CD274: variants seen among roughly 807,000 people sequenced by gnomAD.
The protein encoded by CD274 is CD274 molecule.
Under a neutral mutation model 30.1 loss-of-function variants are expected in CD274, and 8 were observed. The observed-to-expected ratio is 0.27, with a 90% confidence interval of 0.16 to 0.48. CD274 has a LOEUF of 0.48. CD274 is among the 20% of genes least tolerant of loss of function. The pLI, the probability that CD274 is intolerant of heterozygous loss-of-function variation, is 0.99. For missense variants in CD274, 353 were observed against 346.6 expected, an observed-to-expected ratio of 1.02 and a Z score of -0.15; for synonymous variants, 152 against 124.6, an observed-to-expected ratio of 1.22 and a Z score of -1.46.
chr9:5,452,613 A>G (rs1328376618), intron 1 of CD274, among the ~76,000 whole-genome samples: 8 of 152,236 alleles, frequency 5.3e-5, no homozygotes, highest in Non-Finnish European at 8.8e-5. Context: ...GTGTATTTAC[A>G]TGATCTTTGT....
Position 5,467,875 on chromosome 9 carries a change from AC to A in CD274, c.*14del, listed in dbSNP as rs1337901152. On this transcript the variant is annotated 3_prime_UTR_variant, in exon 7 of 7. Coordinates refer to ENST00000381577, the MANE Select transcript of CD274 (RefSeq NM_014143.4). ...GGAGGAGACGTAATCCAGCATTGGAACTTCTGATCTTCAAGCAGGGATTCTC... is the reference window on the plus strand; with the variant it reads ...GGAGGAGACGTAATCCAGCATTGGAATTCTGATCTTCAAGCAGGGATTCTC... 7 of 1,605,276 alleles carry A rather than the reference AC, an allele frequency of 4.4e-6. No individual in the cohort carries two copies. The highest frequency in any genetic ancestry group is 8.5e-7 in the Non-Finnish European group (1 of 1,172,110).
At chr9:5,458,588 T>G (rs1819348146) in intron 3 of CD274, among the ~76,000 whole-genome samples, 3 of 152,238 alleles carry the variant, frequency 2.0e-5, no homozygotes, top group Non-Finnish European at 4.4e-5. Context: ...CATTTGTCAC[T>G]GATCACTGAT....
At chr9:5,467,304 A>G (rs1243777462) in intron 6 of CD274, among the ~76,000 whole-genome samples, 1 of 152,184 alleles carries the variant, frequency 6.6e-6, no homozygotes, top group Non-Finnish European at 1.5e-5. Context: ...CCAAGAACAC[A>G]CAGCTGATCA....
chr9:5,455,964 G>A (rs888112571), intron 1 of CD274, 136 bp from the exon 2 acceptor site: 6 of 608,700 alleles, frequency 9.9e-6, no homozygotes, highest in Non-Finnish European at 1.8e-5. Context: ...TTCCCTGTTG[G>A]GTTTCCACAA....
At chr9:5,461,557 T>G (rs1295784051) in intron 3 of CD274, among the ~76,000 whole-genome samples, 3 of 152,068 alleles carry the variant, frequency 2.0e-5, no homozygotes, top group Non-Finnish European at 2.9e-5. Flanking sequence ...TGTGAAGAAA[T>G]TACCTCACAA....
Position 5,470,078 on chromosome 9 carries a change from C to G in CD274, c.*2216C>G. ...GAGGCTTCCTGGAGGTTTCGAGATT[C>G]AGATGCCCTGGGAGATCCCAGAGTT... On this transcript the variant is annotated 3_prime_UTR_variant, in exon 7 of 7. Coordinates refer to ENST00000381577, the MANE Select transcript of CD274 (RefSeq NM_014143.4). The G allele has an allele frequency of 4.3e-6, 1 of 233,162 alleles. No individual in the cohort carries two copies. Among genetic ancestry groups the G allele is most frequent in the Non-Finnish European group, 8.5e-6 (1 of 117,948 alleles). 14.4% of individuals were successfully genotyped at this position (233,162 alleles called of 1,614,324 possible). A position where few individuals can be genotyped will look rare whatever the true frequency, so the allele number is the denominator to read the frequency against.
intron 1 of CD274, among the ~76,000 whole-genome samples, chr9:5,451,187 T>C (rs988428925): frequency 1.3e-5 from 2 of 152,228 alleles, no homozygotes; most frequent in African/African-American, 4.8e-5. Flanking sequence ...TCAGTCTGGG[T>C]TTGTCTTATA....
rs990608223 is a variant in CD274, at chr9:5,467,969, G to C, written c.*107G>C. The C allele has an allele frequency of 1.1e-6, 1 of 935,918 alleles. No homozygotes were observed. Among genetic ancestry groups the C allele is most frequent in the East Asian group, 2.4e-5 (1 of 41,124 alleles). The allele number at this position is 935,918 out of a possible 1,614,324, so 58.0% of individuals were successfully genotyped here. A position where few individuals can be genotyped will look rare whatever the true frequency, so the allele number is the denominator to read the frequency against. On this transcript the variant is annotated 3_prime_UTR_variant, in exon 7 of 7. Transcript: ENST00000381577. ...GGAAGGAATGGGCCCGTGGGATGCA[G>C]GCAATGTGGGACTTAAAAGGCCCAA...
Position 5,468,853 on chromosome 9 carries a change from C to A in CD274, c.*991C>A, listed in dbSNP as rs1197020724. 1.3e-5 allele frequency: 3 copies of A among 232,970 alleles called. No homozygotes were observed. Among genetic ancestry groups the A allele is most frequent in the East Asian group, 1.2e-4 (2 of 16,588 alleles). The allele number at this position is 232,970 out of a possible 1,614,324, so 14.4% of individuals were successfully genotyped here. A position where few individuals can be genotyped will look rare whatever the true frequency, so the allele number is the denominator to read the frequency against. Reference sequence around the variant, plus strand: ...CAGCTATATTTTACTTTAAGCAATTCTTTTATTCAAAAACCATTTATTAAG... The same window carrying A: ...CAGCTATATTTTACTTTAAGCAATTATTTTATTCAAAAACCATTTATTAAG... On this transcript the variant is annotated 3_prime_UTR_variant, in exon 7 of 7. Transcript: ENST00000381577.
rs1335824362 is a variant in CD274 at position 5,467,235 on chromosome 9, GA to G, written c.850+408del. On this transcript the variant is annotated intron_variant, in intron 6 of 6. Transcript: ENST00000381577. Reference sequence around the variant, plus strand: ...GAGAGAGAGAGAGAGAGAAATACTAGAATTTATCCTCATTTTACAGTAGAGA... The same window carrying G: ...GAGAGAGAGAGAGAGAGAAATACTAGATTTATCCTCATTTTACAGTAGAGA... 4.6e-5 allele frequency among the ~76,000 whole-genome samples: 7 copies of G among 151,580 alleles called. No homozygotes were observed. The East Asian group carries it at 1.2e-3, about 25-fold the overall frequency.
Position 5,466,711 on chromosome 9 carries a change from C to A in CD274, c.791-59C>A. On this transcript the variant is annotated intron_variant, in intron 5 of 6. Coordinates refer to ENST00000381577, the MANE Select transcript of CD274 (RefSeq NM_014143.4). ...CAGAACTTGAAATTTAAACTTGGGT[C>A]ACTGTATGGGATGTAGAGCTGTGCT... 3 of 1,242,386 alleles carry A rather than the reference C, an allele frequency of 2.4e-6. No individual in the cohort carries two copies. The South Asian group carries it at 4.0e-5, about 17-fold the overall frequency. The allele number at this position is 1,242,386 out of a possible 1,614,324, so 77.0% of individuals were successfully genotyped here.
chr9:5,451,951 G>C lies in CD274; in HGVS notation c.-15+1355G>C, dbSNP rs147840108. Among the ~76,000 whole-genome samples the C allele has an allele frequency of 3.2e-4, 48 of 152,048 alleles. No homozygotes were observed. The East Asian group carries it at 8.5e-3, about 27-fold the overall frequency. On this transcript the variant is annotated intron_variant, in intron 1 of 6. Coordinates refer to ENST00000381577, the MANE Select transcript of CD274 (RefSeq NM_014143.4). Reference sequence around the variant, plus strand: ...CCTCCTCAGGCTCCAGAAGTCCTGGGATTACTGGCGGGAGCCACCATGCAG... The same window carrying C: ...CCTCCTCAGGCTCCAGAAGTCCTGGCATTACTGGCGGGAGCCACCATGCAG...
Position 5,457,236 on chromosome 9 carries a change from A to T in CD274, c.210A>T (p.Gly70=). ...AGAACATTATTCAATTTGTGCATGGAGAGGAAGACCTGAAGGTTCAGCATA... is the reference window on the plus strand; with the variant it reads ...AGAACATTATTCAATTTGTGCATGGTGAGGAAGACCTGAAGGTTCAGCATA... ...EDKNIIQFVH[G]EEDLKVQHSS... is the part of the protein sequence containing the mutation. Residue 70 remains glycine (G), a synonymous_variant, in exon 3 of 7, where the codon GGA becomes GGT. Transcript: ENST00000381577. 1 of 1,614,120 alleles carries T rather than the reference A, an allele frequency of 6.2e-7. No homozygotes were observed. The highest frequency in any genetic ancestry group is 8.5e-7 in the Non-Finnish European group (1 of 1,179,992).
chr9:5,450,743 A>C (rs1342855754), intron 1 of CD274, 147 bp downstream of exon 1: 1 of 152,360 alleles, frequency 6.6e-6, no homozygotes, highest in Non-Finnish European at 1.5e-5. Flanking sequence ...AGGGGGCAGT[A>C]GAGCCAATTA....
At chr9:5,461,958 G>C (rs941120653) in intron 3 of CD274, among the ~76,000 whole-genome samples, 2 of 152,064 alleles carry the variant, frequency 1.3e-5, no homozygotes, top group Admixed American at 1.3e-4. Context: ...CTGGAGGAAT[G>C]GAATAAATTA....
chr9:5,457,458 G>T, intron 3 of CD274, 38 bp downstream of exon 3: 1 of 1,520,492 alleles, frequency 6.6e-7, no homozygotes, highest in South Asian at 1.1e-5. Context: ...GATCTTTATT[G>T]AAAACATATT....
At chr9:5,459,917 G>C (rs1819374578) in intron 3 of CD274, among the ~76,000 whole-genome samples, 1 of 151,702 alleles carries the variant, frequency 6.6e-6, no homozygotes, top group South Asian at 2.1e-4. Context: ...AAAATTCCCA[G>C]CCCTGTTTAA....
Position 5,466,867 on chromosome 9 carries a change from AG to A in CD274, c.850+40del. ...GAAGGAATTGGGAAGTAAAAGTCAAAGGAAACAAAAAGCTAAAGCAATAACA... is the reference window on the plus strand; with the variant it reads ...GAAGGAATTGGGAAGTAAAAGTCAAAGAAACAAAAAGCTAAAGCAATAACA... On this transcript the variant is annotated intron_variant, in intron 6 of 6. Coordinates refer to ENST00000381577, the MANE Select transcript of CD274 (RefSeq NM_014143.4). 2.7e-6 allele frequency: 4 copies of A among 1,471,834 alleles called. No individual in the cohort carries two copies. In the South Asian group the frequency reaches 4.6e-5, roughly 17 times the overall value. 91.2% of individuals were successfully genotyped at this position (1,471,834 alleles called of 1,614,324 possible).
chr9:5,462,959 G>C lies in CD274; in HGVS notation c.520G>C (p.Val174Leu), dbSNP rs777315316. 3.1e-6 allele frequency: 5 copies of C among 1,614,102 alleles called. No homozygotes were observed. In the South Asian group the frequency reaches 3.3e-5, roughly 11 times the overall value. The change falls in exon 4 of 7, where the codon GTC (valine) becomes CTC (leucine). Residue 174 changes from valine (V) to leucine (L), a missense_variant. By Grantham distance (32) the Val-to-Leu change is conservative (BLOSUM62 1). Transcript: ENST00000381577. ...EVIWTSSDHQ[V>L]LSGKTTTTNS... ...CATCTGGACAAGCAGTGACCATCAA[G>C]TCCTGAGTGGTAAGACCACCACCAC... is the stretch of plus-strand genomic sequence containing the variant.
Sources: allele counts gnomAD v4.1 joint callset (sites outside exome capture counted in the v4.1 genomes callset), GRCh38; gene constraint gnomAD v4.1.1; transcripts MANE v1.5; gene names NCBI Gene and HGNC (gene_info 2026-07-23, HGNC 2026-07-21).